The following MS4A18 variants were observed in gnomAD, a reference collection of about 807,000 sequenced individuals.
The protein encoded by MS4A18 is membrane spanning 4-domains A18, also known as membrane-spanning 4-domains subfamily A member 18.
MS4A18 carries 27 observed loss-of-function variants against 13.1 expected under a neutral mutation model. The ratio of observed to expected loss-of-function variants is 2.06; its 90% CI spans 1.52 to 2.84. The LOEUF is 2.84. Ranked by LOEUF, MS4A18 falls within the 30% of genes most tolerant of loss-of-function variation. The pLI is 0.00. For synonymous variants in MS4A18, 126 were observed against 76.5 expected, an observed-to-expected ratio of 1.65 and a Z score of -3.38; for missense variants, 307 against 196.4, an observed-to-expected ratio of 1.56 and a Z score of -3.37.
chr11:60,737,943 G>A (rs1231141541), intron 3 of MS4A18, among the ~76,000 whole-genome samples: 2 of 152,150 alleles, frequency 1.3e-5, no homozygotes. Flanking sequence ...CATCAACCAA[G>A]CTCACACCAC....
At chr11:60,727,876 C>T (rs1469204977), upstream of MS4A18, among the ~76,000 whole-genome samples, 3 of 152,172 alleles carry the variant, frequency 2.0e-5, no homozygotes, top group Non-Finnish European at 2.9e-5. Flanking sequence ...AAAAATTAAG[C>T]AATTCTCTAA....
chr11:60,734,698 G>C (rs1853308864), intron 2 of MS4A18, among the ~76,000 whole-genome samples: 1 of 152,140 alleles, frequency 6.6e-6, no homozygotes, highest in South Asian at 2.1e-4. Context: ...GTGTTTTATG[G>C]GGACTGAGTT....
chr11:60,733,552 G>C (rs551355988), exon 2 of MS4A18: 2 of 703,146 alleles, frequency 2.8e-6, no homozygotes, highest in Non-Finnish European at 2.6e-6. Context: ...GATCCTCATC[G>C]GCCTGACGCA....
In MS4A18 at chr11:60,734,784, CTTTTTTT is replaced by C. The variant is rs546950110; in HGVS notation, c.591+1146_591+1152del. ...TATGAATTTTCTTTTCTTTTCTTTT[CTTTTTTT>C]TTTTTTTTGAGGTGGAGTCTCGCTC... On this transcript the variant is annotated intron_variant, in intron 2 of 5. Transcript: ENST00000529108. Among the ~76,000 whole-genome samples, 786 of 138,832 alleles carry C rather than the reference CTTTTTTT, an allele frequency of 5.7e-3. 10 individuals are homozygous for C. The highest frequency in any genetic ancestry group is 0.02 in the African/African-American group (757 of 38,154). 91.1% of individuals were successfully genotyped at this position (138,832 alleles called of 152,430 possible).
chr11:60,729,353 G>T (rs117669468), exon 1 of MS4A18: 3 of 702,784 alleles, frequency 4.3e-6, no homozygotes, highest in African/African-American at 1.7e-5. Context: ...AGTGTACCTG[G>T]CATTATTGCC....
upstream of MS4A18, among the ~76,000 whole-genome samples, chr11:60,727,882 T>A (rs536918972): frequency 6.6e-6 from 1 of 152,318 alleles, no homozygotes; most frequent in African/African-American, 2.4e-5. Context: ...TAAGCAATTC[T>A]CTAAGTCCAG....
intron 2 of MS4A18, among the ~76,000 whole-genome samples, chr11:60,735,031 C>A (rs553542556): frequency 1.3e-5 from 2 of 152,080 alleles, no homozygotes; most frequent in African/African-American, 2.4e-5. Flanking sequence ...GATCTGCCCC[C>A]CTTGGCTTCC....
chr11:60,736,951 CTT>C (rs751418835), intron 2 of MS4A18, 25 bp from the exon 4 acceptor site: 17,028 of 578,090 alleles, frequency 0.029, no homozygotes, highest in South Asian at 0.036. Context: ...ATTGGTCATT[CTT>C]TTTTTTTTTT....
At chr11:60,735,985 G>T (rs751573174) in intron 2 of MS4A18, among the ~76,000 whole-genome samples, 1 of 152,074 alleles carries the variant, frequency 6.6e-6, no homozygotes, top group African/African-American at 2.4e-5. Context: ...TTTATGGTCC[G>T]ATCATATTTA....
At chr11:60,736,009 G>GC (rs1160758515) in intron 2 of MS4A18, among the ~76,000 whole-genome samples, 1 of 152,096 alleles carries the variant, frequency 6.6e-6, no homozygotes, top group Non-Finnish European at 1.5e-5. Context: ...ATATGCCTAA[G>GC]CAACGAGTGG....
rs1326526456 is a variant in MS4A18, at chr11:60,741,130, G to A, written c.845G>A (p.Cys282Tyr). The A allele has an allele frequency of 5.7e-6, 4 of 703,056 alleles. No individual in the cohort carries two copies. In the Admixed American group the frequency reaches 6.0e-5, roughly 11 times the overall value. The allele number at this position is 703,056 out of a possible 1,614,324, so 43.6% of individuals were successfully genotyped here. A position where few individuals can be genotyped will look rare whatever the true frequency, so the allele number is the denominator to read the frequency against. The change falls in exon 5 of 6, where the codon TGC becomes TAC. Residue 282 changes from cysteine (C) to tyrosine (Y), a missense_variant. Coordinates refer to ENST00000529108, the Ensembl canonical transcript of MS4A18. ...CATTTTGGGTGCCAGGCTACCTGCT[G>A]CAGACAATTTGAGGTAAGCATTGGA...
At chr11:60,735,728 A>G (rs914689096) in intron 2 of MS4A18, among the ~76,000 whole-genome samples, 8 of 144,464 alleles carry the variant, frequency 5.5e-5, no homozygotes, top group African/African-American at 2.1e-4. Context: ...CAGTGGCACA[A>G]TCTTGGCTCA....
intron 1 of MS4A18, 53 bp from the exon 3 acceptor site, chr11:60,733,481 C>T: frequency 1.4e-6 from 1 of 702,600 alleles, no homozygotes; most frequent in Non-Finnish European, 2.6e-6. Context: ...CACAGCTCCA[C>T]AGCCCACAGG....
At chr11:60,732,608 G>T (rs1016137551) in intron 1 of MS4A18, among the ~76,000 whole-genome samples, 2 of 151,718 alleles carry the variant, frequency 1.3e-5, no homozygotes, top group African/African-American at 4.8e-5. Context: ...GCAGGCACAT[G>T]TATTCCCAGC....
At chr11:60,732,730 C>CA (rs200295786) in intron 1 of MS4A18, among the ~76,000 whole-genome samples, 5,655 of 70,128 alleles carry the variant, frequency 0.081, 314 homozygotes, top group East Asian at 0.19. Flanking sequence ...GACTCCGTCT[C>CA]AAAAAAAAAA....
chr11:60,735,130 GT>G (rs1313877534), intron 2 of MS4A18, among the ~76,000 whole-genome samples: 1 of 152,014 alleles, frequency 6.6e-6, no homozygotes, highest in African/African-American at 2.4e-5. Flanking sequence ...ACTTGAAGGG[GT>G]TTGAATGGTA....
chr11:60,744,147 A>T, exon 6 of MS4A18: 2 of 581,264 alleles, frequency 3.4e-6, no homozygotes, highest in South Asian at 2.2e-5. Flanking sequence ...TCTCCTCTTC[A>T]CTCCTAAGCT....
intron 2 of MS4A18, 87 bp from the exon 4 acceptor site, chr11:60,736,891 T>C: frequency 1.5e-6 from 1 of 671,100 alleles, no homozygotes; most frequent in Non-Finnish European, 2.7e-6. Flanking sequence ...ACATAAAGAT[T>C]GAGAAATGCG....
At chr11:60,733,258 G>A (rs1256082018) in intron 1 of MS4A18, among the ~76,000 whole-genome samples, 1 of 152,230 alleles carries the variant, frequency 6.6e-6, no homozygotes, top group Non-Finnish European at 1.5e-5. Flanking sequence ...CAGTCTAAAG[G>A]GAACACATTT....
Sources: allele counts gnomAD v4.1 joint callset (sites outside exome capture counted in the v4.1 genomes callset), GRCh38; gene constraint gnomAD v4.1.1; transcripts MANE v1.5; gene names NCBI Gene and HGNC (gene_info 2026-07-23, HGNC 2026-07-21).